The following CNTNAP4 variants were observed in gnomAD, a reference collection of about 807,000 sequenced individuals.
The protein encoded by CNTNAP4 is contactin-associated protein-like 4.
Under a neutral mutation model 148.4 loss-of-function variants are expected in CNTNAP4, and 98 were observed. That is an observed-to-expected ratio of 0.66 (90% confidence interval 0.56 to 0.78). The LOEUF (loss-of-function observed/expected upper bound fraction) is 0.78, where lower values mean the gene tolerates loss of function less well. Among genes scored for constraint, CNTNAP4 ranks in the 30% least tolerant of loss-of-function variants. CNTNAP4 has a pLI of 0.00. For synonymous variants in CNTNAP4, 730 were observed against 565.1 expected (o/e 1.29, Z -4.14); for missense variants, 1,935 against 1,565.6 (o/e 1.24, Z -3.98).
At chr16:76,427,318 T>C (rs1262323192) in intron 3 of CNTNAP4, 134 bp from the exon 4 acceptor site, 1 of 616,820 alleles carries the variant, frequency 1.6e-6, no homozygotes, top group Non-Finnish European at 2.6e-6. Flanking sequence ...TAACTGTTAA[T>C]GTGATTTTCT....
intron 2 of CNTNAP4, among the ~76,000 whole-genome samples, chr16:76,329,352 T>C (rs760661452): frequency 9.1e-4 from 139 of 152,364 alleles, no homozygotes; most frequent in Non-Finnish European, 1.5e-3. Flanking sequence ...ATTCTGAGTA[T>C]GATGACATTG....
At chr16:76,531,324 G>A (rs888468521) in intron 17 of CNTNAP4, among the ~76,000 whole-genome samples, 3 of 152,104 alleles carry the variant, frequency 2.0e-5, no homozygotes, top group Non-Finnish European at 2.9e-5. Flanking sequence ...AACGTCTGTC[G>A]CTTATAGTAA....
intron 3 of CNTNAP4, among the ~76,000 whole-genome samples, chr16:76,402,181 C>T (rs1023671588): frequency 4.0e-5 from 6 of 151,860 alleles, no homozygotes; most frequent in Admixed American, 6.6e-5. Context: ...CCTTTTTGGT[C>T]GGTAGGCTGT....
chr16:76,285,643 G>T (rs1958849264), intron 1 of CNTNAP4, among the ~76,000 whole-genome samples: 1 of 151,900 alleles, frequency 6.6e-6, no homozygotes, highest in African/African-American at 2.4e-5. Flanking sequence ...TACTTTAAAA[G>T]CACCATGTAA....
At chr16:76,291,428 G>T (rs1020888486) in intron 1 of CNTNAP4, among the ~76,000 whole-genome samples, 4 of 152,100 alleles carry the variant, frequency 2.6e-5, no homozygotes, top group Admixed American at 6.6e-5. Flanking sequence ...TGCACCTGGT[G>T]CTGTCTAGGT....
At chr16:76,286,282 C>T (rs1958882715) in intron 1 of CNTNAP4, among the ~76,000 whole-genome samples, 1 of 150,916 alleles carries the variant, frequency 6.6e-6, no homozygotes, top group Non-Finnish European at 1.5e-5. Flanking sequence ...GAAAGCATTG[C>T]CCCTAGGTGG....
At chr16:76,344,074 C>G (rs1267191122) in intron 2 of CNTNAP4, among the ~76,000 whole-genome samples, 3 of 152,164 alleles carry the variant, frequency 2.0e-5, no homozygotes, top group Non-Finnish European at 2.9e-5. Flanking sequence ...ATTGTACCTG[C>G]TAGCTTCAAA....
At chr16:76,443,943 G>A (rs578150780) in intron 4 of CNTNAP4, among the ~76,000 whole-genome samples, 2 of 152,178 alleles carry the variant, frequency 1.3e-5, no homozygotes, top group African/African-American at 4.8e-5. Flanking sequence ...AAATCCAAAC[G>A]TATGTTTTCA....
chr16:76,462,218 T>C (rs1171973710), intron 9 of CNTNAP4, 113 bp downstream of exon 9: 2 of 967,194 alleles, frequency 2.1e-6, no homozygotes, highest in African/African-American at 3.3e-5. Context: ...GAATAATTTT[T>C]CACTGTCTTT....
At chr16:76,494,836 G>T (rs923480935) in intron 13 of CNTNAP4, 74 bp from the exon 14 acceptor site, 17 of 1,409,154 alleles carry the variant, frequency 1.2e-5, no homozygotes, top group Middle Eastern at 1.8e-4. Flanking sequence ...GATTTTGGAA[G>T]AAAAGGAATT....
chr16:76,405,741 C>G (rs1423870339), intron 3 of CNTNAP4, among the ~76,000 whole-genome samples: 3 of 151,942 alleles, frequency 2.0e-5, no homozygotes, highest in Non-Finnish European at 4.4e-5. Context: ...TATGTGGACC[C>G]TCAGAGTTCA....
intron 3 of CNTNAP4, among the ~76,000 whole-genome samples, chr16:76,373,163 T>A (rs896396991): frequency 3.2e-4 from 49 of 151,562 alleles, no homozygotes; most frequent in African/African-American, 1.1e-3. Flanking sequence ...GTGAATATAT[T>A]CCACATAAAT....
At chr16:76,456,676 G>A (rs1378078686) in intron 8 of CNTNAP4, among the ~76,000 whole-genome samples, 1 of 152,162 alleles carries the variant, frequency 6.6e-6, no homozygotes, top group Non-Finnish European at 1.5e-5. Flanking sequence ...ACAACACCAA[G>A]GTCTCACTGG....
Position 76,362,843 on chromosome 16 carries a change from C to G in CNTNAP4, c.390+7332C>G, listed in dbSNP as rs1597322578. Among the ~76,000 whole-genome samples, 5 of 152,038 alleles carry G rather than the reference C, an allele frequency of 3.3e-5. No individual in the cohort carries two copies. In the South Asian group the frequency reaches 1.0e-3, roughly 32 times the overall value. On this transcript the variant is annotated intron_variant, in intron 3 of 23. Coordinates refer to ENST00000611870, the MANE Select transcript of CNTNAP4 (RefSeq NM_033401.5). ...TCACAAAATAATCTGTACATAAAAC[C>G]ACTGTGACATACAATTTGCCTATAT...
intron 3 of CNTNAP4, among the ~76,000 whole-genome samples, chr16:76,383,112 CTTTTT>C (rs5817988): frequency 6.8e-6 from 1 of 147,272 alleles, no homozygotes; most frequent in East Asian, 2.0e-4. Context: ...ATTTATCCCA[CTTTTT>C]TTTTTTTAAT....
intron 3 of CNTNAP4, among the ~76,000 whole-genome samples, chr16:76,419,084 T>A (rs1036283180): frequency 2.0e-5 from 3 of 151,988 alleles, no homozygotes; most frequent in African/African-American, 7.2e-5. Context: ...CAACTCAATT[T>A]AAGTGTTTCA....
intron 1 of CNTNAP4, among the ~76,000 whole-genome samples, chr16:76,304,627 C>T (rs1274997625): frequency 6.6e-6 from 1 of 152,122 alleles, no homozygotes; most frequent in Non-Finnish European, 1.5e-5. Context: ...TAAAATTATA[C>T]ATGTGGACTC....
intron 1 of CNTNAP4, among the ~76,000 whole-genome samples, chr16:76,300,526 A>G (rs1211939976): frequency 1.3e-5 from 2 of 152,208 alleles, no homozygotes; most frequent in African/African-American, 4.8e-5. Context: ...TTGCACATGT[A>G]TCCCAGAACT....
intron 1 of CNTNAP4, among the ~76,000 whole-genome samples, chr16:76,313,403 A>G (rs1257713783): frequency 1.3e-5 from 2 of 152,152 alleles, no homozygotes; most frequent in Non-Finnish European, 2.9e-5. Flanking sequence ...CCTTCCATAT[A>G]CATAATGCAC....
Sources: gnomAD v4.1 joint callset for allele counts (sites outside exome capture counted in the v4.1 genomes callset) on GRCh38, gnomAD v4.1.1 for gene constraint, MANE v1.5 for transcripts, NCBI Gene and HGNC (gene_info 2026-07-23, HGNC 2026-07-21) for gene names.